TRERF1: variants seen among roughly 807,000 people sequenced by gnomAD.
The protein encoded by TRERF1 is transcriptional-regulating factor 1.
A neutral mutation model predicts 122.9 loss-of-function variants in TRERF1; 27 were observed. The observed-to-expected ratio is 0.22, with a 90% CI of 0.16 to 0.30. TRERF1 has a LOEUF of 0.30. Among genes scored for constraint, TRERF1 ranks in the 10% least tolerant of loss-of-function variants. TRERF1 has a pLI of 1.00. For missense variants in TRERF1, 1,248 were observed against 1,560.3 expected, an observed-to-expected ratio of 0.80 and a Z score of 3.37; for synonymous variants, 636 against 641.7, an observed-to-expected ratio of 0.99 and a Z score of 0.13.
At position 42,262,531 on chromosome 6, in the gene TRERF1, G is replaced by C. The variant is rs868699129; in HGVS notation, c.1884+789C>G. Among the ~76,000 whole-genome samples, 93 of 53,676 alleles carry C rather than the reference G, an allele frequency of 1.7e-3. 5 individuals carry two copies. Among genetic ancestry groups the C allele is most frequent in the South Asian group, 0.015 (14 of 942 alleles). The allele number at this position is 53,676 out of a possible 152,430, so 35.2% of individuals were successfully genotyped here. On this transcript the variant is annotated intron_variant, in intron 8 of 17. Coordinates refer to ENST00000372922, the Ensembl canonical transcript of TRERF1. ...AGAGAGAGAGAGAGAGAGAGAGAGA[G>C]AGAGAGAGAGAGAGAGAGAGAGAGA...
intron 4 of TRERF1, among the ~76,000 whole-genome samples, chr6:42,271,906 T>C (rs1331427342): frequency 3.9e-5 from 6 of 152,274 alleles, no homozygotes; most frequent in East Asian, 1.9e-4. Flanking sequence ...TAAAATTCCA[T>C]AGGGCAAGTG....
At chr6:42,434,573 C>A (rs1262810863) in intron 2 of TRERF1, among the ~76,000 whole-genome samples, 4 of 148,840 alleles carry the variant, frequency 2.7e-5, no homozygotes, top group African/African-American at 5.0e-5. Flanking sequence ...GATTTTTTTC[C>A]AGGGGAAAAA....
intron 4 of TRERF1, among the ~76,000 whole-genome samples, chr6:42,290,500 T>A (rs964076013): frequency 6.6e-6 from 1 of 152,160 alleles, no homozygotes; most frequent in African/African-American, 2.4e-5. Flanking sequence ...AGCACACACA[T>A]GCATTTGCAC....
intron 3 of TRERF1, among the ~76,000 whole-genome samples, chr6:42,322,914 G>A (rs1763678310): frequency 6.6e-6 from 1 of 152,006 alleles, no homozygotes; most frequent in Non-Finnish European, 1.5e-5. Flanking sequence ...TAAAGTAAAG[G>A]AGCCTAGTTG....
chr6:42,256,130 TA>T (rs11376682), intron 12 of TRERF1, among the ~76,000 whole-genome samples: 152 of 112,608 alleles, frequency 1.3e-3, no homozygotes, highest in Middle Eastern at 4.5e-3. Context: ...GACTCCATCT[TA>T]AAAAAAAAAA....
intron 3 of TRERF1, among the ~76,000 whole-genome samples, chr6:42,329,636 GA>G (rs1448211481): frequency 6.6e-6 from 1 of 152,058 alleles, no homozygotes; most frequent in Non-Finnish European, 1.5e-5. Context: ...GGAAGTTCGG[GA>G]ACAGGTCATT....
At chr6:42,376,071 C>T (rs1338288036) in intron 2 of TRERF1, among the ~76,000 whole-genome samples, 1 of 152,030 alleles carries the variant, frequency 6.6e-6, no homozygotes, top group Non-Finnish European at 1.5e-5. Flanking sequence ...GGATGTTTCT[C>T]GGCCTACCAC....
intron 4 of TRERF1, among the ~76,000 whole-genome samples, chr6:42,288,168 T>C (rs568157537): frequency 2.0e-5 from 3 of 152,082 alleles, no homozygotes; most frequent in African/African-American, 7.2e-5. Flanking sequence ...GTAGATGTAA[T>C]GGAGGTGGGA....
intron 6 of TRERF1, 66 bp downstream of exon 6, chr6:42,265,685 C>T: frequency 6.7e-7 from 1 of 1,493,172 alleles, no homozygotes. Context: ...AAAAATGAAT[C>T]ATGAGAGACA....
Position 42,228,786 on chromosome 6 carries a change from C to T in TRERF1, c.3279-117G>A, listed in dbSNP as rs1349490125. The stretch of plus-strand genomic sequence containing the variant: ...TCTGACAAAGTCCCTGGCTGCTCGG[C>T]TTCTAGGACCTCCTTCCCCTGTGAC... On this transcript the variant is annotated intron_variant, in intron 17 of 17. Coordinates refer to ENST00000372922, the Ensembl canonical transcript of TRERF1. The surrounding 1 kb of genome is among the most constrained non-coding windows in gnomAD (Gnocchi z 4.2). The T allele has an allele frequency of 2.1e-6, 2 of 949,836 alleles. No individual in the cohort carries two copies. Among genetic ancestry groups the T allele is most frequent in the East Asian group, 4.8e-5 (2 of 41,494 alleles). The allele number at this position is 949,836 out of a possible 1,614,324, so 58.8% of individuals were successfully genotyped here. A position where few individuals can be genotyped will look rare whatever the true frequency, so the allele number is the denominator to read the frequency against.
At chr6:42,246,517 C>T (rs1774828815) in exon 14 of TRERF1, 2 of 1,605,070 alleles carry the variant, frequency 1.2e-6, no homozygotes, top group Admixed American at 1.7e-5. Context: ...AAACAGTTTT[C>T]TTTCTAGGGA....
chr6:42,423,251 C>A (rs1220144991), intron 2 of TRERF1, among the ~76,000 whole-genome samples: 1 of 152,226 alleles, frequency 6.6e-6, no homozygotes, highest in African/African-American at 2.4e-5. Flanking sequence ...TTCTCTCATA[C>A]AAACATGTTC....
chr6:42,311,625 G>C (rs990284910), intron 3 of TRERF1, among the ~76,000 whole-genome samples: 2 of 151,948 alleles, frequency 1.3e-5, no homozygotes, highest in Non-Finnish European at 2.9e-5. Flanking sequence ...AATTAGCCGG[G>C]CGTTGTGGCG....
At position 42,415,197 on chromosome 6, in the gene TRERF1, C is replaced by T. The variant is rs370480799; in HGVS notation, c.-454+35980G>A. Reference sequence around the variant, plus strand: ...TTTAAGAACCACTTACACTTCTTTTCTGTGAATTTCTATCCATGTCCTTTT... The same window carrying T: ...TTTAAGAACCACTTACACTTCTTTTTTGTGAATTTCTATCCATGTCCTTTT... On this transcript the variant is annotated intron_variant, in intron 2 of 17. Transcript: ENST00000372922. Among the ~76,000 whole-genome samples, 25 of 152,238 alleles carry T rather than the reference C, an allele frequency of 1.6e-4. No individual in the cohort carries two copies. In the East Asian group the frequency reaches 2.9e-3, roughly 18 times the overall value.
At chr6:42,429,938 T>G (rs1784232884) in intron 2 of TRERF1, among the ~76,000 whole-genome samples, 1 of 152,178 alleles carries the variant, frequency 6.6e-6, no homozygotes, top group East Asian at 1.9e-4. Flanking sequence ...AGAGACAGAC[T>G]TCTGAGCCAA....
At chr6:42,427,013 C>T (rs75266156) in intron 2 of TRERF1, among the ~76,000 whole-genome samples, 2,407 of 151,740 alleles carry the variant, frequency 0.016, 88 homozygotes, top group East Asian at 0.16. Context: ...AAGGGCTGGG[C>T]GCAGTGATTC....
At chr6:42,256,557 G>T (rs1173390881) in intron 12 of TRERF1, among the ~76,000 whole-genome samples, 171 bp downstream of exon 12, 1 of 152,000 alleles carries the variant, frequency 6.6e-6, no homozygotes, top group Non-Finnish European at 1.5e-5. Flanking sequence ...TTTTTCTACA[G>T]ACTTTAACAT....
chr6:42,269,224 T>C lies in TRERF1; in HGVS notation c.367A>G (p.Thr123Ala), dbSNP rs1343233114. 1.9e-6 allele frequency: 3 copies of C among 1,614,120 alleles called. No individual in the cohort carries two copies. The highest frequency in any genetic ancestry group is 2.5e-6 in the Non-Finnish European group (3 of 1,180,018). ...CGGATCTCGCTGGCCTGGGAGTAGG[T>C]GTATTGGTAGCCATCAGTGGGCTCA... Residue 123 changes from threonine (T) to alanine (A), a missense_variant, in exon 5 of 18, where the codon ACC (threonine) becomes GCC (alanine). This residue lies in a region of TRERF1 where 946 missense variants were observed against 1,073.0 expected (regional missense o/e 0.88). Coordinates refer to ENST00000372922, the Ensembl canonical transcript of TRERF1. The surrounding 1 kb of genome is among the most constrained non-coding windows in gnomAD (Gnocchi z 4.9).
At chr6:42,300,658 G>C (rs1474745913) in exon 4 of TRERF1, 1 of 152,800 alleles carries the variant, frequency 6.5e-6, no homozygotes, top group Admixed American at 6.5e-5. Flanking sequence ...GCAGATGGCT[G>C]AGTTGGGGGC....
Sources: gnomAD v4.1 joint callset for allele counts (sites outside exome capture counted in the v4.1 genomes callset) on GRCh38, gnomAD v4.1.1 for gene constraint, gnomAD v4.1.1 regional missense constraint, Gnocchi (gnomAD v3.1) non-coding constraint, MANE v1.5 for transcripts, NCBI Gene and HGNC (gene_info 2026-07-23, HGNC 2026-07-21) for gene names.